ZNF804A: variants seen among roughly 807,000 people sequenced by gnomAD.
The protein encoded by ZNF804A is zinc finger protein 804A.
ZNF804A carries 2 observed loss-of-function variants against 16.5 expected under a neutral mutation model. The observed-to-expected ratio is 0.12, with a 90% CI of 0.05 to 0.38. ZNF804A has a LOEUF of 0.38. ZNF804A is among the 10% of genes least tolerant of loss of function. The pLI is 0.99. For missense variants in ZNF804A, 1,473 were observed against 1,390.7 expected, an observed-to-expected ratio of 1.06 and a Z score of -0.94; for synonymous variants, 534 against 489.6, an observed-to-expected ratio of 1.09 and a Z score of -1.20.
At chr2:184,824,671 G>T (rs1695132428) in intron 1 of ZNF804A, among the ~76,000 whole-genome samples, 1 of 151,994 alleles carries the variant, frequency 6.6e-6, no homozygotes, top group Non-Finnish European at 1.5e-5. Context: ...TGTAATTCTG[G>T]ATTCTTTGGG....
chr2:184,829,899 C>CAAAAAAA (rs1244566222), intron 1 of ZNF804A, among the ~76,000 whole-genome samples: 49 of 38,744 alleles, frequency 1.3e-3, no homozygotes, highest in Non-Finnish European at 1.5e-3. Flanking sequence ...CTGTCTCTAC[C>CAAAAAAA]AAAAAAAAAA....
rs143772396 is a variant in ZNF804A at position 184,752,198 on chromosome 2, T to A, written c.112-114171T>A. Among the ~76,000 whole-genome samples, 82 of 151,814 alleles carry A rather than the reference T, an allele frequency of 5.4e-4. 1 individual carries two copies. Among genetic ancestry groups the A allele is most frequent in the Non-Finnish European group, 9.4e-4 (64 of 67,766 alleles). On this transcript the variant is annotated intron_variant, in intron 1 of 3. Coordinates refer to ENST00000302277, the MANE Select transcript of ZNF804A (RefSeq NM_194250.2). ...TGTCCTCATATGTTCATTGCAGCAG[T>A]ATTCACAATAGCGAAGTCATGGAAC...
Position 184,716,926 on chromosome 2 carries a change from A to G in ZNF804A, c.111+117856A>G, listed in dbSNP as rs1693224116. On this transcript the variant is annotated intron_variant, in intron 1 of 3. Transcript: ENST00000302277. Reference sequence around the variant, plus strand: ...CTTTTTGTACTTCGTACATGTTAATAAACTTTATACTCCTCCAACTGTCCT... The same window carrying G: ...CTTTTTGTACTTCGTACATGTTAATGAACTTTATACTCCTCCAACTGTCCT... 2.6e-5 allele frequency among the ~76,000 whole-genome samples: 4 copies of G among 152,152 alleles called. No homozygotes were observed. In the South Asian group the frequency reaches 8.3e-4, roughly 32 times the overall value.
In ZNF804A at chr2:184,762,144, A is replaced by G. The variant is rs192343142; in HGVS notation, c.112-104225A>G. ...CATTTTCTCTGTCTGCTTTCTTACT[A>G]TTTAAATTCTGATTTCTCTGTTTTG... is the stretch of plus-strand genomic sequence containing the variant. On this transcript the variant is annotated intron_variant, in intron 1 of 3. Coordinates refer to ENST00000302277, the MANE Select transcript of ZNF804A (RefSeq NM_194250.2). Among the ~76,000 whole-genome samples, 247 of 147,902 alleles carry G rather than the reference A, an allele frequency of 1.7e-3. 1 individual carries two copies. The highest frequency in any genetic ancestry group is 0.014 in the Admixed American group (205 of 14,938).
At position 184,820,460 on chromosome 2, in the gene ZNF804A, A is replaced by G. The variant is rs539693459; in HGVS notation, c.112-45909A>G. Among the ~76,000 whole-genome samples the G allele has an allele frequency of 2.0e-5, 3 of 152,286 alleles. No individual in the cohort carries two copies. In the South Asian group the frequency reaches 6.2e-4, roughly 32 times the overall value. On this transcript the variant is annotated intron_variant, in intron 1 of 3. Transcript: ENST00000302277. ...ATATGACAAACTTACAGCCAATATC[A>G]TACTGAATGGGCAAAAACTGGAAGC...
chr2:184,743,662 CTTTAT>C (rs1169981096), intron 1 of ZNF804A, among the ~76,000 whole-genome samples: 1 of 151,698 alleles, frequency 6.6e-6, no homozygotes, highest in Non-Finnish European at 1.5e-5. Context: ...ATATAGGCCT[CTTTAT>C]TTTGAATTTC....
intron 1 of ZNF804A, among the ~76,000 whole-genome samples, chr2:184,753,064 A>G (rs1344681571): frequency 6.6e-6 from 1 of 151,682 alleles, no homozygotes; most frequent in Non-Finnish European, 1.5e-5. Context: ...AACATTTTAC[A>G]TTATGTTAAT....
chr2:184,928,475 G>A (rs182681981), intron 2 of ZNF804A, among the ~76,000 whole-genome samples: 111 of 152,232 alleles, frequency 7.3e-4, no homozygotes, highest in African/African-American at 2.6e-3. Flanking sequence ...GGGGTTAGGG[G>A]AGGGGGAGGA....
chr2:184,884,087 C>A (rs568753138), intron 2 of ZNF804A, among the ~76,000 whole-genome samples: 47 of 152,200 alleles, frequency 3.1e-4, no homozygotes, highest in East Asian at 1.2e-3. Context: ...GCTCCTAGAT[C>A]TGATAAACAA....
At chr2:184,886,186 G>A (rs78808949) in intron 2 of ZNF804A, among the ~76,000 whole-genome samples, 5,982 of 152,142 alleles carry the variant, frequency 0.039, 381 homozygotes, top group African/African-American at 0.13. Flanking sequence ...GAGTTACAAG[G>A]CCCGTGCAAA....
At chr2:184,747,572 G>A (rs549438773) in intron 1 of ZNF804A, among the ~76,000 whole-genome samples, 1 of 151,108 alleles carries the variant, frequency 6.6e-6, no homozygotes, top group South Asian at 2.1e-4. Context: ...GAGAATATAT[G>A]TTTTAATTTA....
At chr2:184,639,127 G>A (rs1034953823) in intron 1 of ZNF804A, among the ~76,000 whole-genome samples, 6 of 148,196 alleles carry the variant, frequency 4.0e-5, no homozygotes, top group Non-Finnish European at 5.9e-5. Flanking sequence ...AGGCTGGAGG[G>A]CAACGGCGTG....
intron 1 of ZNF804A, among the ~76,000 whole-genome samples, chr2:184,784,160 A>G (rs931488984): frequency 6.6e-6 from 1 of 151,914 alleles, no homozygotes; most frequent in Non-Finnish European, 1.5e-5. Context: ...GGTGGGGCTC[A>G]ATACAACTTT....
rs184261110 is a variant in ZNF804A, at chr2:184,615,860, C to G, written c.111+16790C>G. On this transcript the variant is annotated intron_variant, in intron 1 of 3. Transcript: ENST00000302277. ...TGCAGCAGGGTTAAGAGAAGGGAGT[C>G]CCAGCGAGTCTTCAGTCACCACACA... 2.6e-3 allele frequency among the ~76,000 whole-genome samples: 397 copies of G among 152,224 alleles called. 1 individual carries two copies. Among genetic ancestry groups the G allele is most frequent in the African/African-American group, 8.9e-3 (371 of 41,540 alleles).
At chr2:184,899,103 G>A (rs538257479) in intron 2 of ZNF804A, among the ~76,000 whole-genome samples, 1 of 151,798 alleles carries the variant, frequency 6.6e-6, no homozygotes, top group Non-Finnish European at 1.5e-5. Context: ...TCAAGGATTT[G>A]ACTTAATATA....
intron 2 of ZNF804A, among the ~76,000 whole-genome samples, chr2:184,891,872 G>T (rs1684988434): frequency 6.6e-6 from 1 of 152,098 alleles, no homozygotes. Flanking sequence ...ACGTGACCTT[G>T]ACCAAACCAT....
chr2:184,794,608 G>A (rs1219896502), intron 1 of ZNF804A, among the ~76,000 whole-genome samples: 2 of 151,752 alleles, frequency 1.3e-5, no homozygotes, highest in Admixed American at 1.3e-4. Flanking sequence ...AAAAAACCAA[G>A]GTATACAGGC....
intron 1 of ZNF804A, among the ~76,000 whole-genome samples, chr2:184,599,941 A>G (rs899620668): frequency 6.6e-6 from 1 of 152,194 alleles, no homozygotes; most frequent in Non-Finnish European, 1.5e-5. Flanking sequence ...GGAGAACTAT[A>G]CACCTCCATA....
At chr2:184,729,681 G>A (rs144474650) in intron 1 of ZNF804A, among the ~76,000 whole-genome samples, 46 of 152,192 alleles carry the variant, frequency 3.0e-4, no homozygotes, top group Admixed American at 5.2e-4. Flanking sequence ...AATATAGACT[G>A]TAGAAATCAT....
Sources: allele counts gnomAD v4.1 joint callset (sites outside exome capture counted in the v4.1 genomes callset), GRCh38; gene constraint gnomAD v4.1.1; transcripts MANE v1.5; gene names NCBI Gene and HGNC (gene_info 2026-07-23, HGNC 2026-07-21).